The following ASPH variants were observed in gnomAD, a reference collection of about 807,000 sequenced individuals.
The protein encoded by ASPH is aspartate beta-hydroxylase, also known as aspartyl/asparaginyl beta-hydroxylase.
In ASPH, 100 loss-of-function variants were observed where a neutral mutation model predicts 118.4. The observed-to-expected ratio is 0.84, with a 90% CI of 0.72 to 1.00. ASPH has a LOEUF of 1.00. ASPH is among the 50% of genes least tolerant of loss of function. ASPH has a pLI of 0.00. For missense variants in ASPH, 920 were observed against 919.5 expected (o/e 1.00, Z -0.01); for synonymous variants, 315 against 325.6 (o/e 0.97, Z 0.35).
intron 14 of ASPH, among the ~76,000 whole-genome samples, chr8:61,611,603 T>C (rs1304993012): frequency 6.6e-6 from 1 of 152,222 alleles, no homozygotes; most frequent in African/African-American, 2.4e-5. Context: ...AAAGTTCTAC[T>C]GGCTTGAGGT....
chr8:61,677,920 G>C (rs755061492), intron 3 of ASPH, among the ~76,000 whole-genome samples: 1 of 152,122 alleles, frequency 6.6e-6, no homozygotes, highest in Non-Finnish European at 1.5e-5. Flanking sequence ...GAACAAAACT[G>C]TTTACCCAGC....
At chr8:61,676,331 T>G in intron 3 of ASPH, 4 of 1,569,060 alleles carry the variant, frequency 2.5e-6, no homozygotes, top group Non-Finnish European at 3.4e-6. Context: ...TACATAAGAA[T>G]AAAGGAAGAG....
intron 22 of ASPH, among the ~76,000 whole-genome samples, chr8:61,521,077 G>A (rs943452706): frequency 6.6e-6 from 1 of 152,202 alleles, no homozygotes; most frequent in Admixed American, 6.5e-5. Flanking sequence ...GTTCCTTGAT[G>A]CTCACGACAG....
At position 61,644,636 on chromosome 8, in the gene ASPH, GA is replaced by G. The variant is rs753416869; in HGVS notation, c.620-5del. ...ACGTGGTAACTATGCTCGGTTTCTG[GA>G]AAAAAAAAAATTAGATTGATATTTA... is the stretch of plus-strand genomic sequence containing the variant. On this transcript the variant is annotated splice_region_variant and splice_polypyrimidine_tract_variant and intron_variant, in intron 6 of 24. Coordinates refer to ENST00000379454, the MANE Select transcript of ASPH (RefSeq NM_004318.4). 0.011 allele frequency: 12,692 copies of G among 1,195,120 alleles called. 1 individual carries two copies. The highest frequency in any genetic ancestry group is 0.021 in the South Asian group (1,320 of 61,484). 74.0% of individuals were successfully genotyped at this position (1,195,120 alleles called of 1,614,324 possible).
intron 3 of ASPH, among the ~76,000 whole-genome samples, chr8:61,678,263 C>T (rs1826333932): frequency 6.6e-6 from 1 of 152,110 alleles, no homozygotes; most frequent in Non-Finnish European, 1.5e-5. Context: ...GTCCTCGCAT[C>T]ATTTAGTTCT....
chr8:61,582,146 C>G (rs923980087), intron 15 of ASPH, among the ~76,000 whole-genome samples: 1 of 152,192 alleles, frequency 6.6e-6, no homozygotes, highest in Non-Finnish European at 1.5e-5. Context: ...CCTGTTGTTT[C>G]AGAAGCAAGA....
At position 61,665,253 on chromosome 8, in the gene ASPH, A is replaced by C. The variant is rs1334327587; in HGVS notation, c.323-11593T>G. ...TCTGGGATGATGATGCCAGAGCTTT[A>C]GCCGTTTCTTTTCTGGGTATTTCCC... On this transcript the variant is annotated intron_variant, in intron 3 of 24. Transcript: ENST00000379454. 5 of 1,586,830 alleles carry C rather than the reference A, an allele frequency of 3.2e-6. No individual in the cohort carries two copies. The East Asian group carries it at 8.9e-5, about 28-fold the overall frequency.
At chr8:61,612,083 G>A (rs1397960836) in intron 14 of ASPH, among the ~76,000 whole-genome samples, 2 of 149,224 alleles carry the variant, frequency 1.3e-5, no homozygotes, top group Admixed American at 1.3e-4. Context: ...CCCAAATATT[G>A]GGTTTATTAG....
At chr8:61,650,581 C>T (rs1015917481) in intron 5 of ASPH, among the ~76,000 whole-genome samples, 3 of 152,196 alleles carry the variant, frequency 2.0e-5, no homozygotes, top group African/African-American at 7.2e-5. Flanking sequence ...AATTTAAGTA[C>T]TGGGAAAATG....
intron 10 of ASPH, among the ~76,000 whole-genome samples, chr8:61,640,046 A>G (rs569902390): frequency 6.6e-6 from 1 of 152,218 alleles, no homozygotes; most frequent in Admixed American, 6.5e-5. Context: ...TATCTGTCCT[A>G]TCCGTCCACT....
At chr8:61,713,080 G>A (rs1217329875) in intron 1 of ASPH, among the ~76,000 whole-genome samples, 3 of 152,240 alleles carry the variant, frequency 2.0e-5, no homozygotes, top group Non-Finnish European at 4.4e-5. Flanking sequence ...TTTCACTTAT[G>A]TCAAAGGTGA....
At chr8:61,566,419 G>A (rs1369117235) in intron 17 of ASPH, among the ~76,000 whole-genome samples, 1 of 152,236 alleles carries the variant, frequency 6.6e-6, no homozygotes, top group Non-Finnish European at 1.5e-5. Flanking sequence ...GTGGTTTCTT[G>A]AGACTGAATG....
chr8:61,570,666 C>G (rs1338892856), intron 16 of ASPH, among the ~76,000 whole-genome samples: 13 of 152,150 alleles, frequency 8.5e-5, no homozygotes, highest in Admixed American at 3.3e-4. Flanking sequence ...AACTGATAGG[C>G]ACTTGCACTG....
At chr8:61,699,879 C>T (rs1589294821) in intron 1 of ASPH, among the ~76,000 whole-genome samples, 1 of 152,338 alleles carries the variant, frequency 6.6e-6, no homozygotes, top group Non-Finnish European at 1.5e-5. Context: ...CTCCATGGCC[C>T]ACCCTATGCC....
intron 1 of ASPH, among the ~76,000 whole-genome samples, chr8:61,691,358 C>G (rs1206377456): frequency 2.0e-5 from 3 of 152,190 alleles, no homozygotes; most frequent in Non-Finnish European, 4.4e-5. Context: ...GCCAACTAAA[C>G]AAAATGGTCT....
intron 10 of ASPH, among the ~76,000 whole-genome samples, chr8:61,639,114 T>A (rs1564135302): frequency 6.6e-6 from 1 of 152,204 alleles, no homozygotes; most frequent in Admixed American, 6.5e-5. Context: ...TTTGTCCTTT[T>A]GGGGCATTTG....
intron 6 of ASPH, among the ~76,000 whole-genome samples, chr8:61,644,911 A>T (rs988548507): frequency 3.9e-5 from 6 of 152,198 alleles, no homozygotes; most frequent in African/African-American, 1.4e-4. Flanking sequence ...GACACAGGCC[A>T]GACCAGGAAA....
intron 18 of ASPH, among the ~76,000 whole-genome samples, chr8:61,561,867 G>T (rs1396532223): frequency 1.3e-5 from 2 of 152,182 alleles, no homozygotes; most frequent in African/African-American, 4.8e-5. Context: ...CATGGATGTT[G>T]AGGTGAGCTA....
At chr8:61,585,936 G>A (rs1839315389) in intron 14 of ASPH, among the ~76,000 whole-genome samples, 1 of 152,210 alleles carries the variant, frequency 6.6e-6, no homozygotes, top group Non-Finnish European at 1.5e-5. Flanking sequence ...AATCAGGATA[G>A]TATATGAAGC....
Sources: allele counts gnomAD v4.1 joint callset (sites outside exome capture counted in the v4.1 genomes callset), GRCh38; gene constraint gnomAD v4.1.1; transcripts MANE v1.5; gene names NCBI Gene and HGNC (gene_info 2026-07-23, HGNC 2026-07-21).